The following MAP3K15 variants were observed in gnomAD, a reference collection of about 807,000 sequenced individuals.
The protein encoded by MAP3K15 is mitogen-activated protein kinase kinase kinase 15, also known as MAPK/ERK kinase kinase 15.
A neutral mutation model predicts 99.5 loss-of-function variants in MAP3K15; 124 were observed. That is an observed-to-expected ratio of 1.25 (90% CI 1.08 to 1.45). MAP3K15 has a LOEUF of 1.45. MAP3K15 is among the 40% of genes most tolerant of loss of function. The pLI, the probability that MAP3K15 is intolerant of heterozygous loss-of-function variation, is 0.00. For synonymous variants in MAP3K15, 494 were observed against 439.6 expected (o/e 1.12, Z -1.55); for missense variants, 1,242 against 1,079.7 (o/e 1.15, Z -2.11).
chrX:19,486,498 A>G lies in MAP3K15; in HGVS notation c.509T>C (p.Val170Ala), dbSNP rs2064326673. Residue 170 changes from valine (V) to alanine (A), a missense_variant, in exon 3 of 29, where the codon GTA becomes GCA. By Grantham distance (64) the Val-to-Ala change is moderately conservative. Coordinates refer to ENST00000338883, the MANE Select transcript of MAP3K15 (RefSeq NM_001001671.4). Reference sequence around the variant, plus strand: ...AATACTTACTGTGTTTTTTTGAGTTACCATGTCCTGAAAAGAAAAAGAAAA... The same window carrying G: ...AATACTTACTGTGTTTTTTTGAGTTGCCATGTCCTGAAAAGAAAAAGAAAA... ...ADTALSLKDM[V>A]TQKNTASSGN... The G allele has an allele frequency of 2.3e-6, 2 of 888,095 alleles. No homozygotes were observed. Among genetic ancestry groups the G allele is most frequent in the Non-Finnish European group, 3.0e-6 (2 of 658,072 alleles). 73.2% of individuals were successfully genotyped at this position (888,095 alleles called of 1,213,427 possible). A position where few individuals can be genotyped will look rare whatever the true frequency, so the allele number is the denominator to read the frequency against.
At position 19,460,040 on chromosome X, in the gene MAP3K15, T is replaced by C; in HGVS notation, c.833A>G (p.Glu278Gly). ...AATGATGATGTCTGAGGTCAGAACC[T>C]CAGTATTATCCATGCGGAGCTTGAT... ...ARIKLRMDNT[E>G]VLTSDIIINL... Residue 278 changes from glutamate to glycine, a missense_variant, in exon 5 of 29, where the codon GAG becomes GGG. Physicochemically the swap from Glu to Gly is moderately conservative, Grantham distance 98 (BLOSUM62 -2). Coordinates refer to ENST00000338883, the MANE Select transcript of MAP3K15 (RefSeq NM_001001671.4). The C allele has an allele frequency of 8.4e-7, 1 of 1,192,647 alleles. No individual in the cohort carries two copies. The highest frequency in any genetic ancestry group is 1.1e-6 in the Non-Finnish European group (1 of 890,923).
At chrX:19,404,568 G>C (rs111419934) in intron 13 of MAP3K15, among the ~76,000 whole-genome samples, 7,467 of 111,856 alleles carry the variant, frequency 0.067, 622 homozygotes, top group African/African-American at 0.23. Flanking sequence ...CAAGAACGAA[G>C]TTGGAGGGCT....
chrX:19,396,038 T>C (rs2063565973), intron 15 of MAP3K15, among the ~76,000 whole-genome samples: 1 of 111,888 alleles, frequency 8.9e-6, no homozygotes, highest in Admixed American at 9.5e-5. Flanking sequence ...TTTTCAAACT[T>C]GCCACAACTC....
intron 18 of MAP3K15, among the ~76,000 whole-genome samples, chrX:19,386,393 T>C (rs754747053): frequency 1.8e-5 from 2 of 110,204 alleles, no homozygotes; most frequent in African/African-American, 6.6e-5. Context: ...GTGGTGGAGG[T>C]TGTACTGAGC....
In MAP3K15 at chrX:19,502,225, G is replaced by A. The variant is rs756866733; in HGVS notation, c.361+12676C>T. Among the ~76,000 whole-genome samples the A allele has an allele frequency of 2.8e-4, 31 of 109,951 alleles. No homozygotes were observed. In the Middle Eastern group the frequency reaches 0.014, roughly 49 times the overall value. On this transcript the variant is annotated intron_variant, in intron 1 of 28. Transcript: ENST00000338883. ...TATTGATCAGAGGAAGACTACAGGT[G>A]GGGGTGGGGACTGATATGGTTTGGC...
rs749204967 is a variant in MAP3K15 at position 19,414,979 on chromosome X, T to C, written c.1590+128A>G. ...TATCACTTACTGATTTCACATAAGA[T>C]TGATGTTTATCCCAACATTTAAAAT... On this transcript the variant is annotated intron_variant, in intron 10 of 28. Transcript: ENST00000338883. 1.2e-4 allele frequency: 70 copies of C among 576,781 alleles called. No homozygotes were observed. In the African/African-American group the frequency reaches 1.4e-3, roughly 12 times the overall value. The allele number at this position is 576,781 out of a possible 1,213,427, so 47.5% of individuals were successfully genotyped here.
At chrX:19,461,594 TACA>T (rs1163519070) in intron 4 of MAP3K15, among the ~76,000 whole-genome samples, 4 of 112,414 alleles carry the variant, frequency 3.6e-5, no homozygotes, top group Non-Finnish European at 7.5e-5. Flanking sequence ...TAAGTTGAGT[TACA>T]ACAACCATAG....
intron 8 of MAP3K15, among the ~76,000 whole-genome samples, 169 bp downstream of exon 8, chrX:19,426,062 C>T (rs776533766): frequency 3.6e-5 from 4 of 111,504 alleles, no homozygotes; most frequent in Admixed American, 9.6e-5. Context: ...GCGGAGGTTG[C>T]AGTGAGCCAA....
At position 19,425,621 on chromosome X, in the gene MAP3K15, C is replaced by A; in HGVS notation, c.1349G>T (p.Gly450Val). ...LEKMNNYWDV[G>V]QFFSVSMLAH... ...CAGCATGCTGACGCTGAAGAACTGA[C>A]CCACATCCCAGTAATTGTTCATTTT... Residue 450 changes from glycine (G) to valine (V), a missense_variant, in exon 9 of 29, where the codon GGT (glycine) becomes GTT (valine). Transcript: ENST00000338883. 1 of 1,199,019 alleles carries A rather than the reference C, an allele frequency of 8.3e-7. No individual in the cohort carries two copies. Among genetic ancestry groups the A allele is most frequent in the Non-Finnish European group, 1.1e-6 (1 of 894,266 alleles).
rs141369451 is a variant in MAP3K15 at position 19,386,136 on chromosome X, A to G, written c.2432-5859T>C. The stretch of plus-strand genomic sequence containing the variant: ...TGTGGGGCATCTGAATCACGCACAA[A>G]TCCTGGAAAATTGGGTTTCCTTCAA... On this transcript the variant is annotated intron_variant, in intron 18 of 28. Transcript: ENST00000338883. Among the ~76,000 whole-genome samples, 673 of 111,565 alleles carry G rather than the reference A, an allele frequency of 6.0e-3. 2 individuals carry two copies. The highest frequency in any genetic ancestry group is 0.021 in the African/African-American group (640 of 30,713).
At chrX:19,490,180 CACACAT>C (rs1370075761) in intron 1 of MAP3K15, among the ~76,000 whole-genome samples, 41 of 95,120 alleles carry the variant, frequency 4.3e-4, no homozygotes, top group Non-Finnish European at 5.4e-4. Context: ...CACACACACA[CACACAT>C]ACATACAAAA....
chrX:19,364,580 C>T (rs1041527263), intron 25 of MAP3K15, among the ~76,000 whole-genome samples: 1 of 111,604 alleles, frequency 9.0e-6, no homozygotes, highest in Admixed American at 9.6e-5. Context: ...AACTTTCCCT[C>T]CGCCTTTCTG....
At chrX:19,375,737 G>A (rs2063412321) in intron 19 of MAP3K15, among the ~76,000 whole-genome samples, 1 of 112,355 alleles carries the variant, frequency 8.9e-6, no homozygotes, top group Non-Finnish European at 1.9e-5. Flanking sequence ...GTGAGCTCAG[G>A]GTGCTGCAGA....
At position 19,486,575 on chromosome X, in the gene MAP3K15, A is replaced by G. The variant is rs1033241831; in HGVS notation, c.502-70T>C. 1.6e-5 allele frequency: 7 copies of G among 444,065 alleles called. No homozygotes were observed. In the African/African-American group the frequency reaches 1.8e-4, roughly 11 times the overall value. 36.6% of individuals were successfully genotyped at this position (444,065 alleles called of 1,213,427 possible). On this transcript the variant is annotated intron_variant, in intron 2 of 28. Transcript: ENST00000338883. ...CTAATTTCCATAAGCATTAGCCAGC[A>G]CTCCCCTCTATAAAAGAAATTAATC...
rs757580712 is a variant in MAP3K15, at chrX:19,398,306, C to T, written c.1986G>A (p.Thr662=). 28 of 1,208,937 alleles carry T rather than the reference C, an allele frequency of 2.3e-5. No individual in the cohort carries two copies. The South Asian group carries it at 4.1e-4, about 17-fold the overall frequency. The change falls in exon 15 of 29, where the codon ACG becomes ACA. Residue 662 remains threonine (T), a synonymous_variant. Coordinates refer to ENST00000338883, the MANE Select transcript of MAP3K15 (RefSeq NM_001001671.4). ...NGERVVLGKG[T]YGIVYAGRDL... ...CTCGGCCAGCATACACAATCCCATA[C>T]GTGCCTTTCCCCAAGACAACTCTCT...
chrX:19,466,463 T>C (rs1379392228), intron 3 of MAP3K15, among the ~76,000 whole-genome samples: 1 of 111,349 alleles, frequency 9.0e-6, no homozygotes, highest in East Asian at 2.8e-4. Flanking sequence ...TAAGGGGCTC[T>C]TCCCCCTTCG....
intron 28 of MAP3K15, 27 bp from the exon 29 acceptor site, chrX:19,360,860 G>GAGTC: frequency 1.8e-6 from 2 of 1,110,298 alleles, no homozygotes; most frequent in Non-Finnish European, 1.2e-6. Context: ...GCTGTCTTCA[G>GAGTC]AGTCAGTGCT....
chrX:19,383,133 C>T (rs903129026), intron 18 of MAP3K15, among the ~76,000 whole-genome samples: 2 of 111,231 alleles, frequency 1.8e-5, no homozygotes, highest in Admixed American at 9.6e-5. Context: ...ACACTCCCTC[C>T]GAACAAGTTC....
At chrX:19,369,240 G>T in intron 24 of MAP3K15, 21 bp from the exon 25 acceptor site, 1 of 1,210,620 alleles carries the variant, frequency 8.3e-7, no homozygotes, top group South Asian at 1.8e-5. Context: ...CACAAGACAT[G>T]ACAATGGTGA....
Sources: allele counts gnomAD v4.1 joint callset (sites outside exome capture counted in the v4.1 genomes callset), GRCh38; gene constraint gnomAD v4.1.1; transcripts MANE v1.5; gene names NCBI Gene and HGNC (gene_info 2026-07-23, HGNC 2026-07-21).